The following KLHL36 variants were observed in gnomAD, a reference collection of about 807,000 sequenced individuals.
KLHL36 encodes kelch like family member 36, also known as kelch-like protein 36.
A neutral mutation model predicts 53.3 loss-of-function variants in KLHL36; 35 were observed. The ratio of observed to expected loss-of-function variants is 0.66; its 90% CI spans 0.50 to 0.87. KLHL36 has a LOEUF of 0.87. Among genes scored for constraint, KLHL36 ranks in the 40% least tolerant of loss-of-function variants. The pLI is 0.00. For synonymous variants in KLHL36, 472 were observed against 398.9 expected (o/e 1.18, Z -2.18); for missense variants, 864 against 897.6 (o/e 0.96, Z 0.48).
chr16:84,656,683 GAAAA>G lies in KLHL36; in HGVS notation c.64-181_64-178del, dbSNP rs35874869. On this transcript the variant is annotated intron_variant, in intron 2 of 4. Transcript: ENST00000564996. ...AAAGAAGTTATATTAATAAGAGAAGGAAAAAAAAAACCACGATACACAGGCATAC... is the reference window on the plus strand; with the variant it reads ...AAAGAAGTTATATTAATAAGAGAAGGAAAAAACCACGATACACAGGCATAC... 6.1e-5 allele frequency among the ~76,000 whole-genome samples: 9 copies of G among 147,282 alleles called. No individual in the cohort carries two copies. The East Asian group carries it at 1.8e-3, about 29-fold the overall frequency.
Position 84,657,401 on chromosome 16 carries a change from C to G in KLHL36, c.594C>G (p.Ser198Arg). The change falls in exon 3 of 5, where the codon AGC (serine) becomes AGG (arginine). Residue 198 changes from serine (S) to arginine (R), a missense_variant. By Grantham distance (110) the Ser-to-Arg change is moderately radical. Transcript: ENST00000564996. Reference sequence around the variant, plus strand: ...TGCAGAAGCTGTGTGTCTACCTGAGCAGCAGCGAGGTGCAGCGGGAGTGTG... The same window carrying G: ...TGCAGAAGCTGTGTGTCTACCTGAGGAGCAGCGAGGTGCAGCGGGAGTGTG... ...VSMQKLCVYLSSSEVQRECEH... is the reference protein window; with the variant it reads ...VSMQKLCVYLRSSEVQRECEH... The G allele has an allele frequency of 6.2e-7, 1 of 1,607,822 alleles. No individual in the cohort carries two copies. The highest frequency in any genetic ancestry group is 8.5e-7 in the Non-Finnish European group (1 of 1,179,968).
intron 2 of KLHL36, among the ~76,000 whole-genome samples, chr16:84,653,587 T>C (rs1265125026): frequency 6.6e-6 from 1 of 152,158 alleles, no homozygotes; most frequent in Non-Finnish European, 1.5e-5. Context: ...ACCCCGTCTC[T>C]ACTGATATAT....
chr16:84,660,098 T>C (rs938527848), intron 4 of KLHL36, among the ~76,000 whole-genome samples, 181 bp downstream of exon 4: 1 of 152,104 alleles, frequency 6.6e-6, no homozygotes, highest in East Asian at 1.9e-4. Flanking sequence ...CAGTCCGGGC[T>C]CCGGTTTCAG....
In KLHL36 at chr16:84,665,670, A is replaced by C. The variant is rs34965909; in HGVS notation, c.*3537A>C. ...TCATGGAGACCCAGAAACTCACCCT[A>C]AGGGGTGTTCACCTTTGAGGTGGGC... On this transcript the variant is annotated 3_prime_UTR_variant, in exon 5 of 5. Transcript: ENST00000564996. 28,357 of 152,144 alleles carry C rather than the reference A, an allele frequency of 0.19. 2,923 individuals are homozygous for C. The highest frequency in any genetic ancestry group is 0.22 in the Non-Finnish European group (14,639 of 67,982). The allele number at this position is 152,144 out of a possible 1,614,324, so 9.4% of individuals were successfully genotyped here. A position where few individuals can be genotyped will look rare whatever the true frequency, so the allele number is the denominator to read the frequency against.
At chr16:84,658,318 A>C (rs1294238253) in intron 3 of KLHL36, 1 of 172,216 alleles carries the variant, frequency 5.8e-6, no homozygotes, top group African/African-American at 2.4e-5. Context: ...TAACCGATTG[A>C]CGTGTAAGTG....
In KLHL36 at chr16:84,659,483, C is replaced by T. The variant is rs377388513; in HGVS notation, c.1138-277C>T. The T allele has an allele frequency of 2.0e-5, 8 of 390,588 alleles. No homozygotes were observed. In the East Asian group the frequency reaches 2.3e-4, roughly 11 times the overall value. 24.2% of individuals were successfully genotyped at this position (390,588 alleles called of 1,614,324 possible). On this transcript the variant is annotated intron_variant, in intron 3 of 4. Transcript: ENST00000564996. ...GAGTTCCCATCCACGCGGCTAACGA[C>T]ATGACCAGAGAAGTTCGGGGGTTCA...
Position 84,661,639 on chromosome 16 carries a change from G to A in KLHL36, c.1357G>A (p.Asp453Asn). Residue 453 changes from aspartate to asparagine, a missense_variant, in exon 5 of 5, where the codon GAC (aspartate) becomes AAC (asparagine). Coordinates refer to ENST00000564996, the MANE Select transcript of KLHL36 (RefSeq NM_024731.4). The surrounding 1 kb of genome is among the most constrained non-coding windows in gnomAD (Gnocchi z 7.9). ...CTTCGTGTACATCTCGGGGGGCCAC[G>A]ACTACCAAATTGGCCCCTACCGCAA... ...KDFVYISGGH[D>N]YQIGPYRKNL... 9 of 1,603,472 alleles carry A rather than the reference G, an allele frequency of 5.6e-6. No homozygotes were observed. The highest frequency in any genetic ancestry group is 3.3e-5 in the South Asian group (3 of 90,290).
rs1015460923 is a variant in KLHL36 at position 84,657,016 on chromosome 16, A to C, written c.209A>C (p.Tyr70Ser). Reference sequence around the variant, plus strand: ...AACCTGCTGGCCGTGTGCAGCGACTACTTCAACTCCATGTTCACCATCGGC... The same window carrying C: ...AACCTGCTGGCCGTGTGCAGCGACTCCTTCAACTCCATGTTCACCATCGGC... ...HRNLLAVCSD[Y>S]FNSMFTIGMR... Residue 70 changes from tyrosine (Y) to serine (S), a missense_variant, in exon 3 of 5, where the codon TAC (tyrosine) becomes TCC (serine). Coordinates refer to ENST00000564996, the MANE Select transcript of KLHL36 (RefSeq NM_024731.4). The C allele has an allele frequency of 6.2e-7, 1 of 1,614,092 alleles. No individual in the cohort carries two copies. The highest frequency in any genetic ancestry group is 8.5e-7 in the Non-Finnish European group (1 of 1,180,004).
rs780503800 is a variant in KLHL36, at chr16:84,662,044, G to A, written c.1762G>A (p.Gly588Arg). ...CGACCTGCCCAAGGCCATCGCTGGC[G>A]GGTCCGCCTGTGTCTGCGCCCTGGA... ...GVDLPKAIAGGSACVCALEPR... is the reference protein window; with the variant it reads ...GVDLPKAIAGRSACVCALEPR... Residue 588 changes from glycine to arginine, a missense_variant, in exon 5 of 5, where the codon GGG (glycine) becomes AGG (arginine). Physicochemically the swap from Gly to Arg is moderately radical, Grantham distance 125. Transcript: ENST00000564996. 8 of 1,582,992 alleles carry A rather than the reference G, an allele frequency of 5.1e-6. No individual in the cohort carries two copies. Among genetic ancestry groups the A allele is most frequent in the Non-Finnish European group, 6.9e-6 (8 of 1,165,656 alleles).
chr16:84,657,642 G>T lies in KLHL36; in HGVS notation c.835G>T (p.Ala279Ser), dbSNP rs753983160. 4 of 1,611,802 alleles carry T rather than the reference G, an allele frequency of 2.5e-6. No individual in the cohort carries two copies. In the African/African-American group the frequency reaches 4.0e-5, roughly 16 times the overall value. ...CGTGCGCTACCACAACAACCTGGCG[G>T]CCCAGCCCGTCATGCAGACCAAGCG... Reference protein sequence around the residue: ...EAVRYHNNLAAQPVMQTKRTA... With the variant: ...EAVRYHNNLASQPVMQTKRTA... The change falls in exon 3 of 5, where the codon GCC becomes TCC. Residue 279 changes from alanine to serine, a missense_variant. Coordinates refer to ENST00000564996, the MANE Select transcript of KLHL36 (RefSeq NM_024731.4).
At chr16:84,656,504 G>A (rs748930762) in intron 2 of KLHL36, among the ~76,000 whole-genome samples, 6 of 151,092 alleles carry the variant, frequency 4.0e-5, no homozygotes, top group Non-Finnish European at 8.9e-5. Flanking sequence ...TCCAGTAGCC[G>A]GGCTGTCGTC....
intron 2 of KLHL36, among the ~76,000 whole-genome samples, chr16:84,653,825 G>A (rs748776991): frequency 6.9e-6 from 1 of 144,742 alleles, no homozygotes; most frequent in Non-Finnish European, 1.5e-5. Context: ...GGGCAACAGA[G>A]GGAGGCTCTG....
In KLHL36 at chr16:84,666,200, A is replaced by G. The variant is rs993871898; in HGVS notation, c.*4067A>G. ...AAATGTTTTGATACTTTTTGATACA[A>G]TTTGCTAATAACTGTTTTGTAGAAT... On this transcript the variant is annotated 3_prime_UTR_variant, in exon 5 of 5. Coordinates refer to ENST00000564996, the MANE Select transcript of KLHL36 (RefSeq NM_024731.4). 1 of 152,136 alleles carries G rather than the reference A, an allele frequency of 6.6e-6. No individual in the cohort carries two copies. Among genetic ancestry groups the G allele is most frequent in the Non-Finnish European group, 1.5e-5 (1 of 68,028 alleles). 9.4% of individuals were successfully genotyped at this position (152,136 alleles called of 1,614,324 possible). A position where few individuals can be genotyped will look rare whatever the true frequency, so the allele number is the denominator to read the frequency against.
rs1907623652 is a variant in KLHL36, at chr16:84,662,589, A to T, written c.*456A>T. On this transcript the variant is annotated 3_prime_UTR_variant, in exon 5 of 5. Coordinates refer to ENST00000564996, the MANE Select transcript of KLHL36 (RefSeq NM_024731.4). ...AATTATGGAATCCAAAACCACCAGG[A>T]ACGGGGAGGAGGTGGTGCCCAGAAG... 1 of 154,852 alleles carries T rather than the reference A, an allele frequency of 6.5e-6. No individual in the cohort carries two copies. Among genetic ancestry groups the T allele is most frequent in the African/African-American group, 2.4e-5 (1 of 41,516 alleles). 9.6% of individuals were successfully genotyped at this position (154,852 alleles called of 1,614,324 possible).
intron 3 of KLHL36, 167 bp downstream of exon 3, chr16:84,658,111 A>G (rs1369685347): frequency 1.1e-5 from 6 of 561,382 alleles, no homozygotes; most frequent in African/African-American, 1.9e-5. Flanking sequence ...CATCCTGGAC[A>G]GGGAGAGGGA....
At position 84,662,083 on chromosome 16, in the gene KLHL36, G is replaced by T; in HGVS notation, c.1801G>T (p.Asp601Tyr). 2.5e-6 allele frequency: 4 copies of T among 1,573,848 alleles called. No homozygotes were observed. Among genetic ancestry groups the T allele is most frequent in the South Asian group, 1.2e-5 (1 of 86,694 alleles). ...CVCALEPRPE[D>Y]KKKKGKGKRH... Reference sequence around the variant, plus strand: ...CTGCGCCCTGGAGCCACGGCCAGAGGACAAGAAGAAGAAAGGCAAAGGCAA... The same window carrying T: ...CTGCGCCCTGGAGCCACGGCCAGAGTACAAGAAGAAGAAAGGCAAAGGCAA... Residue 601 changes from aspartate (D) to tyrosine (Y), a missense_variant, in exon 5 of 5, where the codon GAC becomes TAC. By Grantham distance (160) the Asp-to-Tyr change is radical (BLOSUM62 -3). Coordinates refer to ENST00000564996, the MANE Select transcript of KLHL36 (RefSeq NM_024731.4).
chr16:84,652,540 A>G (rs1228529100), intron 2 of KLHL36, among the ~76,000 whole-genome samples: 1 of 152,146 alleles, frequency 6.6e-6, no homozygotes, highest in Non-Finnish European at 1.5e-5. Flanking sequence ...AAGTGCTGGG[A>G]TTACAGGCGC....
At chr16:84,652,201 G>T (rs1211129259) in intron 2 of KLHL36, among the ~76,000 whole-genome samples, 1 of 152,190 alleles carries the variant, frequency 6.6e-6, no homozygotes, top group African/African-American at 2.4e-5. Context: ...TTAATGCCAG[G>T]ACCCTGAGTT....
At chr16:84,655,984 C>T (rs1177612500) in intron 2 of KLHL36, among the ~76,000 whole-genome samples, 2 of 151,982 alleles carry the variant, frequency 1.3e-5, no homozygotes, top group South Asian at 4.2e-4. Flanking sequence ...CCTCAAGCTC[C>T]TGGGCTTGAG....
Sources: allele counts gnomAD v4.1 joint callset (sites outside exome capture counted in the v4.1 genomes callset), GRCh38; gene constraint gnomAD v4.1.1; non-coding constraint Gnocchi (gnomAD v3.1); transcripts MANE v1.5; gene names NCBI Gene and HGNC (gene_info 2026-07-23, HGNC 2026-07-21).